Variants in IP6K3 observed in about 807,000 individuals in gnomAD.
The protein encoded by IP6K3 is ATP:1D-myo-inositol-hexakisphosphate phosphotransferase.
In IP6K3, 20 loss-of-function variants were observed where a neutral mutation model predicts 28.8. The observed-to-expected ratio is 0.70, with a 90% CI of 0.49 to 1.01. The LOEUF is 1.01. Among genes scored for constraint, IP6K3 ranks in the 50% least tolerant of loss-of-function variants. The probability of loss-of-function intolerance (pLI) is 0.00; values close to 1 mark genes in which losing one functional copy is unlikely to be tolerated. For synonymous variants in IP6K3, 213 were observed against 221.3 expected (o/e 0.96, Z 0.33); for missense variants, 480 against 537.1 (o/e 0.89, Z 1.05).
At chr6:33,723,844 T>TCTCTC (rs1175460541) in intron 5 of IP6K3, among the ~76,000 whole-genome samples, 3 of 152,336 alleles carry the variant, frequency 2.0e-5, no homozygotes, top group East Asian at 1.9e-4. Context: ...CTTGGCACCA[T>TCTCTC]CTCTCCTCCC....
At chr6:33,723,797 G>A (rs1481225036) in intron 5 of IP6K3, among the ~76,000 whole-genome samples, 1 of 152,240 alleles carries the variant, frequency 6.6e-6, no homozygotes, top group Admixed American at 6.5e-5. Flanking sequence ...GGAGGAGGGA[G>A]GTTCATGGCA....
intron 1 of IP6K3, among the ~76,000 whole-genome samples, chr6:33,737,095 C>T (rs1265918883): frequency 2.6e-5 from 4 of 152,280 alleles, no homozygotes; most frequent in Admixed American, 6.5e-5. Flanking sequence ...GAAGTAAAGC[C>T]GGGGCCTGCT....
In IP6K3 at chr6:33,726,804, G is replaced by A. The variant is rs1420144978; in HGVS notation, c.516C>T (p.Asn172=). The A allele has an allele frequency of 1.2e-6, 2 of 1,613,412 alleles. No individual in the cohort carries two copies. Among genetic ancestry groups the A allele is most frequent in the Non-Finnish European group, 1.7e-6 (2 of 1,179,492 alleles). ...CCTGGTGGCATTGCAGGCCCCACGG[G>A]TTGAAGCTCTTCCTCTCAACCTGGT... ...NGNQVERKSF[N]PWGLQCHQAH... The change falls in exon 4 of 6, where the codon AAC becomes AAT. Residue 172 remains asparagine (N), a synonymous_variant. Coordinates refer to ENST00000293756, the MANE Select transcript of IP6K3 (RefSeq NM_054111.5).
chr6:33,744,256 AC>A lies in IP6K3; in HGVS notation c.-180+2501del, dbSNP rs1352794207. On this transcript the variant is annotated intron_variant, in intron 1 of 5. Coordinates refer to ENST00000293756, the MANE Select transcript of IP6K3 (RefSeq NM_054111.5). The surrounding 1 kb of genome is among the most constrained non-coding windows in gnomAD (Gnocchi z 4.4). ...CCCAGGATTTTGGATATTGCTAAAC[AC>A]CCAGACCTGCCTACACATTTCCCAG... Among the ~76,000 whole-genome samples the A allele has an allele frequency of 1.3e-5, 2 of 152,076 alleles. No individual in the cohort carries two copies. Among genetic ancestry groups the A allele is most frequent in the African/African-American group, 4.8e-5 (2 of 41,376 alleles).
chr6:33,723,074 G>A lies in IP6K3; in HGVS notation c.879C>T (p.His293=). The A allele has an allele frequency of 6.2e-7, 1 of 1,614,166 alleles. No individual in the cohort carries two copies. Among genetic ancestry groups the A allele is most frequent in the Non-Finnish European group, 8.5e-7 (1 of 1,179,992 alleles). Residue 293 remains histidine, a synonymous_variant, in exon 6 of 6, where the codon CAC becomes CAT. Transcript: ENST00000293756. The part of the protein sequence containing the change: ...ALYQFLHNGS[H]LRRELLEPIL... ...TGGGCTCCAGGAGCTCCCTCCGGAG[G>A]TGGCTTCCATTATGTAGGAACTGAT...
intron 1 of IP6K3, among the ~76,000 whole-genome samples, chr6:33,743,191 C>A (rs1188475270): frequency 6.6e-6 from 1 of 152,180 alleles, no homozygotes; most frequent in Non-Finnish European, 1.5e-5. Context: ...GTGCTGAAGC[C>A]TTCGGGACCA....
chr6:33,759,281 C>CT, the IP6K3 span, among the ~76,000 whole-genome samples: 1 of 152,052 alleles, frequency 6.6e-6, no homozygotes, highest in African/African-American at 2.4e-5. Context: ...GTCCATGTCA[C>CT]TTTTTTCTTT....
intron 2 of IP6K3, among the ~76,000 whole-genome samples, chr6:33,729,224 C>T (rs1485667184): frequency 6.6e-6 from 1 of 152,268 alleles, no homozygotes; most frequent in Non-Finnish European, 1.5e-5. Flanking sequence ...GAACCCAGGC[C>T]TTCCTCCGTG....
chr6:33,728,045 G>A, intron 3 of IP6K3, 42 bp downstream of exon 3: 1 of 1,588,156 alleles, frequency 6.3e-7, no homozygotes, highest in Non-Finnish European at 8.5e-7. Flanking sequence ...GCCGGTCCCT[G>A]CCGAGGGACA....
In IP6K3 at chr6:33,723,080, T is replaced by C. The variant is rs773863584; in HGVS notation, c.873A>G (p.Gly291=). ...RQALYQFLHN[G]SHLRRELLEP... ...CCAGGAGCTCCCTCCGGAGGTGGCT[T>C]CCATTATGTAGGAACTGATAGAGGG... Residue 291 remains glycine (G), a synonymous_variant, in exon 6 of 6, where the codon GGA becomes GGG. Coordinates refer to ENST00000293756, the MANE Select transcript of IP6K3 (RefSeq NM_054111.5). 1.9e-6 allele frequency: 3 copies of C among 1,614,204 alleles called. No homozygotes were observed. The highest frequency in any genetic ancestry group is 3.3e-5 in the Admixed American group (2 of 60,028).
At chr6:33,754,089 G>A in the IP6K3 span, among the ~76,000 whole-genome samples, 122 of 152,262 alleles carry the variant, frequency 8.0e-4, 1 homozygote, top group Admixed American at 4.1e-3. Flanking sequence ...GATTATAGGC[G>A]TGAGCCACCG....
upstream of IP6K3, among the ~76,000 whole-genome samples, chr6:33,749,599 C>T (rs1318952265): frequency 6.6e-6 from 1 of 150,694 alleles, no homozygotes; most frequent in Non-Finnish European, 1.5e-5. Context: ...GGTGCCACCA[C>T]TCAGGTCCTC....
the IP6K3 span, among the ~76,000 whole-genome samples, chr6:33,753,421 G>A: frequency 6.6e-6 from 1 of 152,304 alleles, no homozygotes; most frequent in Non-Finnish European, 1.5e-5. Context: ...TGCCATGGGG[G>A]TGGAGTGCAG....
At chr6:33,751,087 T>C (rs1767014928), upstream of IP6K3, among the ~76,000 whole-genome samples, 1 of 152,162 alleles carries the variant, frequency 6.6e-6, no homozygotes, top group Non-Finnish European at 1.5e-5. This position sits in a 1 kb window ranked among gnomAD's most constrained non-coding sequence, Gnocchi z 4.3. Context: ...AAGTGCAGGA[T>C]GGAGCATGCC....
At chr6:33,759,598 T>C in the IP6K3 span, among the ~76,000 whole-genome samples, 1 of 152,104 alleles carries the variant, frequency 6.6e-6, no homozygotes, top group Non-Finnish European at 1.5e-5. Flanking sequence ...GCGTGGTGGC[T>C]CATGCCTATA....
upstream of IP6K3, among the ~76,000 whole-genome samples, chr6:33,748,815 CAG>C (rs998407956): frequency 6.6e-6 from 1 of 151,970 alleles, no homozygotes; most frequent in African/African-American, 2.4e-5. Context: ...ACAGAAATAA[CAG>C]GAATTCCTGG....
In IP6K3 at chr6:33,722,857, G is replaced by A. The variant is rs146926476; in HGVS notation, c.1096C>T (p.Arg366Cys). ...GTGGTATGAGCAAAGTCAATCATGC[G>A]GATGTCAACCTTGGTGAGACCACCG... ...SPGGLTKVDI[R>C]MIDFAHTTYK... Residue 366 changes from arginine (R) to cysteine (C), a missense_variant, in exon 6 of 6, where the codon CGC (arginine) becomes TGC (cysteine). Physicochemically the swap from Arg to Cys is radical, Grantham distance 180. Coordinates refer to ENST00000293756, the MANE Select transcript of IP6K3 (RefSeq NM_054111.5). The A allele has an allele frequency of 2.4e-4, 382 of 1,613,822 alleles. No homozygotes were observed. The highest frequency in any genetic ancestry group is 2.8e-4 in the Non-Finnish European group (332 of 1,179,720).
In IP6K3 at chr6:33,723,099, T is replaced by C. The variant is rs1383854918; in HGVS notation, c.854A>G (p.Tyr285Cys). ...GTGGCTTCCATTATGTAGGAACTGA[T>C]AGAGGGCTTGTCTGAACCCCTCCAC... ...LSVEGFRQAL[Y>C]QFLHNGSHLR... The change falls in exon 6 of 6, where the codon TAT becomes TGT. Residue 285 changes from tyrosine to cysteine, a missense_variant. Tyr to Cys is a radical substitution (Grantham distance 194). Coordinates refer to ENST00000293756, the MANE Select transcript of IP6K3 (RefSeq NM_054111.5). 3 of 1,614,226 alleles carry C rather than the reference T, an allele frequency of 1.9e-6. No homozygotes were observed. Among genetic ancestry groups the C allele is most frequent in the African/African-American group, 2.7e-5 (2 of 75,068 alleles).
intron 4 of IP6K3, among the ~76,000 whole-genome samples, 184 bp from the exon 5 acceptor site, chr6:33,725,800 G>C (rs112528998): frequency 0.015 from 2,230 of 152,296 alleles, 33 homozygotes; most frequent in Non-Finnish European, 0.025. Context: ...AGCTTTGCAG[G>C]CTGCTTTAAT....
Sources: gnomAD v4.1 joint callset for allele counts (sites outside exome capture counted in the v4.1 genomes callset) on GRCh38, gnomAD v4.1.1 for gene constraint, Gnocchi (gnomAD v3.1) non-coding constraint, MANE v1.5 for transcripts, NCBI Gene and HGNC (gene_info 2026-07-23, HGNC 2026-07-21) for gene names.